PHF6: variants seen among roughly 807,000 people sequenced by gnomAD.
PHF6 encodes PHD finger protein 6.
PHF6 carries 7 observed loss-of-function variants against 34.0 expected under a neutral mutation model. The ratio of observed to expected loss-of-function variants is 0.21; its 90% CI spans 0.12 to 0.39. PHF6 has a LOEUF of 0.39. PHF6 is among the 10% of genes least tolerant of loss of function. The pLI is 1.00. For missense variants in PHF6, 128 were observed against 262.8 expected, an observed-to-expected ratio of 0.49 and a Z score of 3.55; for synonymous variants, 89 against 88.4, an observed-to-expected ratio of 1.01 and a Z score of -0.04.
chrX:134,407,958 C>T (rs931169039), intron 5 of PHF6, among the ~76,000 whole-genome samples: 1 of 111,834 alleles, frequency 8.9e-6, no homozygotes. Flanking sequence ...TTTTGAGACT[C>T]GCTCTGTCTC....
intron 1 of PHF6, among the ~76,000 whole-genome samples, chrX:134,374,251 T>C (rs2124194750): frequency 8.9e-6 from 1 of 111,936 alleles, no homozygotes; most frequent in Non-Finnish European, 1.9e-5. Flanking sequence ...AGTTAAAAAA[T>C]CTTTTGTTTT....
rs1352544862 is a variant in PHF6 at position 134,377,746 on chromosome X, T to C, written c.129T>C (p.His43=). The change falls in exon 2 of 11, where the codon CAT becomes CAC. Residue 43 remains histidine (H), a synonymous_variant. Transcript: ENST00000370803. ...ISENQKVAAH[H]KCMLFSSALV... is the part of the protein sequence containing the mutation. ...AAAACCAGAAGGTGGCAGCGCACCA[T>C]AAGTGCATGGTAAGTATACCGGCAG... 2 of 1,206,354 alleles carry C rather than the reference T, an allele frequency of 1.7e-6. No individual in the cohort carries two copies. Among genetic ancestry groups the C allele is most frequent in the African/African-American group, 1.8e-5 (1 of 56,503 alleles).
intron 3 of PHF6, among the ~76,000 whole-genome samples, chrX:134,381,123 C>T (rs1239929533): frequency 3.6e-5 from 4 of 111,322 alleles, no homozygotes; most frequent in East Asian, 2.8e-4. Flanking sequence ...TCCCAAAGTG[C>T]GGGGATTCCA....
intron 4 of PHF6, 77 bp downstream of exon 4, chrX:134,393,711 T>C (rs2077364759): frequency 5.3e-6 from 5 of 951,379 alleles, no homozygotes; most frequent in East Asian, 3.3e-5. Flanking sequence ...ATTTTTCCCA[T>C]TTCAAAGCAT....
chrX:134,388,978 A>AG (rs2077342566), intron 3 of PHF6, among the ~76,000 whole-genome samples: 1 of 111,205 alleles, frequency 9.0e-6, no homozygotes, highest in African/African-American at 3.3e-5. Context: ...ATTTAACCTT[A>AG]AGTTAGTGTA....
intron 3 of PHF6, among the ~76,000 whole-genome samples, chrX:134,379,673 C>T (rs2077297661): frequency 9.1e-6 from 1 of 109,994 alleles, no homozygotes; most frequent in Non-Finnish European, 1.9e-5. Context: ...AACTCCAGAC[C>T]TCAGGTGATT....
In PHF6 at chrX:134,413,809, T is replaced by C. The variant is rs372007731; in HGVS notation, c.586-14T>C. The C allele has an allele frequency of 1.7e-5, 20 of 1,210,991 alleles. No individual in the cohort carries two copies. The highest frequency in any genetic ancestry group is 3.5e-5 in the South Asian group (2 of 56,969). On this transcript the variant is annotated splice_polypyrimidine_tract_variant and intron_variant, in intron 6 of 10. Coordinates refer to ENST00000370803, the MANE Select transcript of PHF6 (RefSeq NM_001015877.2). ...TGATTTTTTTTAAGTTCGTTTTTTC[T>C]TTTACATTTGCAGAGAGATAGGTCT...
chrX:134,402,924 A>G (rs977975783), intron 5 of PHF6, among the ~76,000 whole-genome samples: 1 of 112,067 alleles, frequency 8.9e-6, no homozygotes, highest in Non-Finnish European at 1.9e-5. Context: ...CCCATGTAAG[A>G]CAGTGAACTT....
chrX:134,382,052 T>TG lies in PHF6; in HGVS notation c.240+3949dup, dbSNP rs1287559658. Among the ~76,000 whole-genome samples, 4 of 111,178 alleles carry TG rather than the reference T, an allele frequency of 3.6e-5. No individual in the cohort carries two copies. In the East Asian group the frequency reaches 1.1e-3, roughly 31 times the overall value. ...TAAAGTGTACGTATCAACAGCCAGG[T>TG]GGGTCAGAGTTGAGGATGAGAGGGC... On this transcript the variant is annotated intron_variant, in intron 3 of 10. Coordinates refer to ENST00000370803, the MANE Select transcript of PHF6 (RefSeq NM_001015877.2).
At chrX:134,425,373 A>G (rs2124261768) in intron 10 of PHF6, 43 bp downstream of exon 10, 1 of 1,184,790 alleles carries the variant, frequency 8.4e-7, no homozygotes, top group Non-Finnish European at 1.1e-6. Context: ...AGGATACAAT[A>G]CACACTGATA....
At chrX:134,400,119 C>T (rs73573253) in intron 5 of PHF6, among the ~76,000 whole-genome samples, 2,061 of 111,459 alleles carry the variant, frequency 0.018, 49 homozygotes, top group African/African-American at 0.063. Flanking sequence ...CACTCTATCA[C>T]GCAGGCTGGA....
At chrX:134,406,917 A>G (rs2077427605) in intron 5 of PHF6, among the ~76,000 whole-genome samples, 1 of 112,210 alleles carries the variant, frequency 8.9e-6, no homozygotes, top group African/African-American at 3.2e-5. Flanking sequence ...AGCAAACACT[A>G]CTATCTGTGA....
At chrX:134,381,301 A>G (rs1387252161) in intron 3 of PHF6, among the ~76,000 whole-genome samples, 1 of 111,417 alleles carries the variant, frequency 9.0e-6, no homozygotes, top group Admixed American at 9.6e-5. Flanking sequence ...TTCTTTCATT[A>G]TATCATTTTT....
intron 5 of PHF6, among the ~76,000 whole-genome samples, chrX:134,411,078 G>T (rs760415660): frequency 1.0e-3 from 109 of 108,499 alleles, no homozygotes; most frequent in African/African-American, 3.5e-3. Flanking sequence ...TCAGCCTCCC[G>T]AGTAGCTGGG....
chrX:134,388,919 C>A (rs1259772905), intron 3 of PHF6, among the ~76,000 whole-genome samples: 2 of 111,233 alleles, frequency 1.8e-5, no homozygotes, highest in African/African-American at 6.5e-5. Flanking sequence ...TGACTTAGTT[C>A]CTCTTTCATC....
At chrX:134,382,152 A>G (rs1385862384) in intron 3 of PHF6, among the ~76,000 whole-genome samples, 1 of 111,917 alleles carries the variant, frequency 8.9e-6, no homozygotes, top group Non-Finnish European at 1.9e-5. Flanking sequence ...GGTTCATGTC[A>G]GCCACAAGGA....
Position 134,395,756 on chromosome X carries a change from C to T in PHF6, c.418+1804C>T, listed in dbSNP as rs190480484. 7.2e-5 allele frequency among the ~76,000 whole-genome samples: 8 copies of T among 111,884 alleles called. No individual in the cohort carries two copies. In the East Asian group the frequency reaches 2.2e-3, roughly 31 times the overall value. On this transcript the variant is annotated intron_variant, in intron 5 of 10. Coordinates refer to ENST00000370803, the MANE Select transcript of PHF6 (RefSeq NM_001015877.2). ...TTTATAATACAAAACAATATAGTTTCCACTTCTGGACTCGAGATTAGTCCA... is the reference window on the plus strand; with the variant it reads ...TTTATAATACAAAACAATATAGTTTTCACTTCTGGACTCGAGATTAGTCCA...
intron 8 of PHF6, among the ~76,000 whole-genome samples, chrX:134,416,754 C>G (rs1171880856): frequency 8.9e-6 from 1 of 112,125 alleles, no homozygotes; most frequent in Non-Finnish European, 1.9e-5. Context: ...TCCCTCTGTA[C>G]TTTTGTCTAC....
At position 134,428,568 on chromosome X, in the gene PHF6, G is replaced by A; in HGVS notation, c.*2908G>A. On this transcript the variant is annotated 3_prime_UTR_variant, in exon 11 of 11. Coordinates refer to ENST00000370803, the MANE Select transcript of PHF6 (RefSeq NM_001015877.2). ...TTGTTGCTTTTTTAAAAAAAGCGCTGAAGTTAGACCAAGGTATACAGTTTT... is the reference window on the plus strand; with the variant it reads ...TTGTTGCTTTTTTAAAAAAAGCGCTAAAGTTAGACCAAGGTATACAGTTTT... The A allele has an allele frequency of 6.4e-6, 1 of 155,871 alleles. No individual in the cohort carries two copies. Among genetic ancestry groups the A allele is most frequent in the African/African-American group, 3.0e-5 (1 of 33,369 alleles). 12.8% of individuals were successfully genotyped at this position (155,871 alleles called of 1,213,427 possible).
Sources: gnomAD v4.1 joint callset for allele counts (sites outside exome capture counted in the v4.1 genomes callset) on GRCh38, gnomAD v4.1.1 for gene constraint, MANE v1.5 for transcripts, NCBI Gene and HGNC (gene_info 2026-07-23, HGNC 2026-07-21) for gene names.